KANSL1: variants seen among roughly 807,000 people sequenced by gnomAD.
KANSL1 encodes the protein MLL1/MLL complex subunit KANSL1.
In KANSL1, 22 loss-of-function variants were observed where a neutral mutation model predicts 103.6. The ratio of observed to expected loss-of-function variants is 0.21; its 90% CI spans 0.15 to 0.30. The LOEUF (loss-of-function observed/expected upper bound fraction) is 0.30, where lower values mean the gene tolerates loss of function less well. Among genes scored for constraint, KANSL1 ranks in the 10% least tolerant of loss-of-function variants. The pLI is 1.00. For missense variants in KANSL1, 1,337 were observed against 1,399.8 expected (o/e 0.96, Z 0.72); for synonymous variants, 600 against 527.6 (o/e 1.14, Z -1.88).
At chr17:46,107,851 C>A (rs1002646487) in intron 2 of KANSL1, among the ~76,000 whole-genome samples, 3 of 152,186 alleles carry the variant, frequency 2.0e-5, no homozygotes, top group African/African-American at 7.2e-5. Context: ...GGTCAAAAAC[C>A]TCCATGTAAT....
At chr17:46,091,066 A>T (rs1162659203) in intron 3 of KANSL1, among the ~76,000 whole-genome samples, 1 of 152,226 alleles carries the variant, frequency 6.6e-6, no homozygotes, top group East Asian at 1.9e-4. Flanking sequence ...GTCACAGGCA[A>T]TGAAAGCTCC....
intron 4 of KANSL1, among the ~76,000 whole-genome samples, chr17:46,071,270 G>A (rs1033011113): frequency 1.3e-5 from 2 of 152,138 alleles, no homozygotes; most frequent in Admixed American, 6.6e-5. Flanking sequence ...ACATCAGAAA[G>A]GGACTGTGGC....
intron 3 of KANSL1, among the ~76,000 whole-genome samples, chr17:46,085,579 T>C (rs905906509): frequency 7.9e-5 from 12 of 152,140 alleles, no homozygotes; most frequent in Non-Finnish European, 1.3e-4. Flanking sequence ...AACCTCCCCC[T>C]CCCGGGCTCA....
chr17:46,039,209 G>T lies in KANSL1; in HGVS notation c.2210C>A (p.Ser737Tyr). Residue 737 changes from serine (S) to tyrosine (Y), a missense_variant, in exon 9 of 15, where the codon TCC becomes TAC. Ser to Tyr is a moderately radical substitution (Grantham distance 144). Coordinates refer to ENST00000432791, the MANE Select transcript of KANSL1 (RefSeq NM_015443.4). ...CCTGTCAGGCCGGGTTTGGTGATGG[G>T]ACAGCTCTGAAGAGGGGAACAGAAA... ...VSSFLTTAKL[S>Y]HHQTRPDRTH... 1 of 1,579,962 alleles carries T rather than the reference G, an allele frequency of 6.3e-7. No homozygotes were observed. The highest frequency in any genetic ancestry group is 8.6e-7 in the Non-Finnish European group (1 of 1,168,294).
chr17:46,177,187 A>T (rs888520836), intron 1 of KANSL1, among the ~76,000 whole-genome samples: 3 of 152,202 alleles, frequency 2.0e-5, no homozygotes, highest in Admixed American at 1.3e-4. Context: ...CCCGACAAGG[A>T]TGCTATGATG....
intron 2 of KANSL1, among the ~76,000 whole-genome samples, chr17:46,145,368 T>G (rs761937151): frequency 6.6e-6 from 1 of 152,380 alleles, no homozygotes; most frequent in South Asian, 2.1e-4. Flanking sequence ...TACTGATTTA[T>G]GCAATAAACT....
chr17:46,166,078 G>C (rs528900120), intron 2 of KANSL1, among the ~76,000 whole-genome samples: 47 of 151,924 alleles, frequency 3.1e-4, no homozygotes, highest in African/African-American at 1.0e-3. Context: ...CAGGCATGGT[G>C]GTGGGCGCCT....
intron 1 of KANSL1, among the ~76,000 whole-genome samples, chr17:46,200,175 G>C (rs2047751149): frequency 6.6e-6 from 1 of 152,116 alleles, no homozygotes; most frequent in South Asian, 2.1e-4. Context: ...AAACATAGAA[G>C]GAGTATTCTA....
chr17:46,165,060 T>A (rs1321245102), intron 2 of KANSL1, among the ~76,000 whole-genome samples: 2 of 152,172 alleles, frequency 1.3e-5, no homozygotes, highest in African/African-American at 4.8e-5. Context: ...TGAGCTGACA[T>A]CACGCCACTG....
chr17:46,201,497 C>T (rs1381657741), intron 1 of KANSL1, among the ~76,000 whole-genome samples: 2 of 152,086 alleles, frequency 1.3e-5, no homozygotes, highest in African/African-American at 4.8e-5. Context: ...TGGAAAATTC[C>T]ACACGTGACA....
At chr17:46,034,637 T>C in intron 10 of KANSL1, 1 of 236,776 alleles carries the variant, frequency 4.2e-6, no homozygotes, top group Non-Finnish European at 8.2e-6. Context: ...TTTTACAATC[T>C]TTATTTCCTT....
chr17:46,172,126 G>T lies in KANSL1; in HGVS notation c.18C>A (p.Pro6=), dbSNP rs774056059. 1 of 1,606,206 alleles carries T rather than the reference G, an allele frequency of 6.2e-7. No individual in the cohort carries two copies. Among genetic ancestry groups the T allele is most frequent in the Non-Finnish European group, 8.5e-7 (1 of 1,179,994 alleles). Residue 6 remains proline, a synonymous_variant, in exon 2 of 15, where the codon CCC becomes CCA. Coordinates refer to ENST00000432791, the MANE Select transcript of KANSL1 (RefSeq NM_015443.4). MAAMA[P]ALTDAAAEAH... Reference sequence around the variant, plus strand: ...CTTCAGCTGCTGCGTCAGTGAGAGCGGGCGCCATCGCAGCCATTCAGCACA... The same window carrying T: ...CTTCAGCTGCTGCGTCAGTGAGAGCTGGCGCCATCGCAGCCATTCAGCACA...
intron 6 of KANSL1, among the ~76,000 whole-genome samples, chr17:46,059,778 G>C (rs919125041): frequency 3.9e-5 from 6 of 152,000 alleles, no homozygotes; most frequent in African/African-American, 1.4e-4. Context: ...GCAGTAGCTT[G>C]ATCTTGACTC....
At chr17:46,182,391 T>C (rs1174787493) in intron 1 of KANSL1, among the ~76,000 whole-genome samples, 1 of 152,224 alleles carries the variant, frequency 6.6e-6, no homozygotes, top group Non-Finnish European at 1.5e-5. Flanking sequence ...CAAGCTACAT[T>C]ATGGAATGCA....
At chr17:46,084,586 G>A (rs1026375061) in intron 3 of KANSL1, among the ~76,000 whole-genome samples, 7 of 151,528 alleles carry the variant, frequency 4.6e-5, no homozygotes, top group African/African-American at 1.7e-4. Context: ...GGAGGCTGAG[G>A]CAGGAGAATC....
chr17:46,116,287 T>C (rs2043043410), intron 2 of KANSL1, among the ~76,000 whole-genome samples: 1 of 152,208 alleles, frequency 6.6e-6, no homozygotes, highest in South Asian at 2.1e-4. Flanking sequence ...TCCCAGCACT[T>C]TGGGAGGCCA....
At chr17:46,173,122 G>T (rs961322542) in intron 1 of KANSL1, among the ~76,000 whole-genome samples, 3 of 152,092 alleles carry the variant, frequency 2.0e-5, no homozygotes, top group African/African-American at 2.4e-5. Context: ...GGACAATACC[G>T]ACCTTCTTCT....
chr17:46,150,698 A>T (rs1002373933), intron 2 of KANSL1, among the ~76,000 whole-genome samples: 8 of 152,216 alleles, frequency 5.3e-5, no homozygotes, highest in Non-Finnish European at 1.0e-4. Flanking sequence ...TCTCCATCTT[A>T]TTACCCAGAG....
At chr17:46,161,622 G>A (rs2045749074) in intron 2 of KANSL1, among the ~76,000 whole-genome samples, 2 of 152,202 alleles carry the variant, frequency 1.3e-5, no homozygotes, top group African/African-American at 4.8e-5. Flanking sequence ...GGAGAGCAAG[G>A]AAATGGCACT....
Sources: gnomAD v4.1 joint callset for allele counts (sites outside exome capture counted in the v4.1 genomes callset) on GRCh38, gnomAD v4.1.1 for gene constraint, MANE v1.5 for transcripts, NCBI Gene and HGNC (gene_info 2026-07-23, HGNC 2026-07-21) for gene names.